The following SH3KBP1 variants were observed in gnomAD, a reference collection of about 807,000 sequenced individuals.
SH3KBP1 encodes SH3 domain-containing kinase-binding protein 1.
Under a neutral mutation model 50.1 loss-of-function variants are expected in SH3KBP1, and 8 were observed. The ratio of observed to expected loss-of-function variants is 0.16; its 90% CI spans 0.09 to 0.29. SH3KBP1 has a LOEUF of 0.29. Ranked by LOEUF, SH3KBP1 falls within the 10% of genes least tolerant of loss-of-function variation. The probability of loss-of-function intolerance (pLI) is 1.00; values close to 1 mark genes in which losing one functional copy is unlikely to be tolerated. For missense variants in SH3KBP1, 377 were observed against 535.2 expected, an observed-to-expected ratio of 0.70 and a Z score of 2.92; for synonymous variants, 227 against 218.6, an observed-to-expected ratio of 1.04 and a Z score of -0.34.
chrX:19,725,181 G>A (rs936351399), intron 3 of SH3KBP1, among the ~76,000 whole-genome samples: 1 of 110,075 alleles, frequency 9.1e-6, no homozygotes, highest in Non-Finnish European at 1.9e-5. Flanking sequence ...AGCTGAGCAC[G>A]GTGGCTTACA....
chrX:19,635,530 CG>C (rs2061681594), intron 7 of SH3KBP1, among the ~76,000 whole-genome samples: 1 of 105,908 alleles, frequency 9.4e-6, no homozygotes, highest in Non-Finnish European at 1.9e-5. Context: ...ACGTGTATCC[CG>C]TTTTTTTTTT....
At chrX:19,543,964 CAGA>C (rs1024776988) in intron 15 of SH3KBP1, among the ~76,000 whole-genome samples, 2 of 110,756 alleles carry the variant, frequency 1.8e-5, no homozygotes, top group African/African-American at 6.6e-5. Flanking sequence ...AGCAGCAGGG[CAGA>C]AGTAGAGGCT....
intron 1 of SH3KBP1, among the ~76,000 whole-genome samples, chrX:19,842,212 T>C (rs1189865318): frequency 8.9e-6 from 1 of 112,234 alleles, no homozygotes; most frequent in Non-Finnish European, 1.9e-5. Flanking sequence ...GGGTGAAATT[T>C]TATACCTCAG....
At position 19,877,163 on chromosome X, in the gene SH3KBP1, G is replaced by A. The variant is rs191632381; in HGVS notation, c.4+10144C>T. On this transcript the variant is annotated intron_variant, in intron 1 of 17. Coordinates refer to ENST00000397821, the MANE Select transcript of SH3KBP1 (RefSeq NM_031892.3). The stretch of plus-strand genomic sequence containing the variant: ...CTAATAGTTTGTTGAGAACAAAGGG[G>A]TAATTAGAAATCACTGGCTAAGTGG... Among the ~76,000 whole-genome samples the A allele has an allele frequency of 1.4e-3, 160 of 112,085 alleles. 1 individual carries two copies. The highest frequency in any genetic ancestry group is 5.0e-3 in the African/African-American group (155 of 30,874).
At chrX:19,547,393 C>T (rs2065116535) in intron 14 of SH3KBP1, among the ~76,000 whole-genome samples, 2 of 111,578 alleles carry the variant, frequency 1.8e-5, no homozygotes, top group Non-Finnish European at 1.9e-5. Flanking sequence ...CACCACTTGG[C>T]GTCATTATAG....
chrX:19,698,641 G>A (rs1398621673), intron 4 of SH3KBP1, among the ~76,000 whole-genome samples: 1 of 111,981 alleles, frequency 8.9e-6, no homozygotes, highest in Non-Finnish European at 1.9e-5. Context: ...TCATGGGGGT[G>A]GTGGGGGTGG....
intron 7 of SH3KBP1, among the ~76,000 whole-genome samples, chrX:19,643,918 T>C (rs1307429622): frequency 8.9e-6 from 1 of 112,065 alleles, no homozygotes; most frequent in Non-Finnish European, 1.9e-5. Flanking sequence ...CAAGTTCACA[T>C]GGCTAGCTAA....
At chrX:19,886,886 G>A (rs2069601640) in intron 1 of SH3KBP1, among the ~76,000 whole-genome samples, 1 of 99,108 alleles carries the variant, frequency 1.0e-5, no homozygotes, top group Admixed American at 1.2e-4. Flanking sequence ...CCCCGAGACA[G>A]GACCAGGAAG....
intron 1 of SH3KBP1, among the ~76,000 whole-genome samples, chrX:19,861,888 A>C (rs1478599640): frequency 8.9e-6 from 1 of 112,027 alleles, no homozygotes; most frequent in African/African-American, 3.2e-5. Context: ...ACACTGTCAT[A>C]ATAAACAGAT....
At chrX:19,699,338 T>C (rs2063492596) in intron 4 of SH3KBP1, among the ~76,000 whole-genome samples, 1 of 112,591 alleles carries the variant, frequency 8.9e-6, no homozygotes, top group Non-Finnish European at 1.9e-5. Context: ...CAAGGGCTTA[T>C]AACTTCCACC....
At chrX:19,645,199 GA>G (rs1183196596) in intron 7 of SH3KBP1, among the ~76,000 whole-genome samples, 200 bp downstream of exon 7, 1 of 111,786 alleles carries the variant, frequency 8.9e-6, no homozygotes, top group Non-Finnish European at 1.9e-5. Context: ...TAAGGGGAAA[GA>G]AAAAAACAAA....
At chrX:19,869,560 G>T (rs990043518) in intron 1 of SH3KBP1, among the ~76,000 whole-genome samples, 1 of 112,368 alleles carries the variant, frequency 8.9e-6, no homozygotes, top group African/African-American at 3.2e-5. Context: ...CACTCACCCT[G>T]ACCAGTCCAG....
chrX:19,699,000 A>T (rs2063485677), intron 4 of SH3KBP1, among the ~76,000 whole-genome samples: 1 of 112,132 alleles, frequency 8.9e-6, no homozygotes, highest in Non-Finnish European at 1.9e-5. Context: ...CCTTCCTGTG[A>T]GGAGCAAAAG....
intron 2 of SH3KBP1, among the ~76,000 whole-genome samples, chrX:19,769,340 G>A (rs1371837761): frequency 9.1e-6 from 1 of 109,496 alleles, no homozygotes; most frequent in Non-Finnish European, 1.9e-5. Flanking sequence ...CTGGACTCAA[G>A]CAATCCACCC....
At chrX:19,733,076 T>A (rs2064427974) in intron 3 of SH3KBP1, among the ~76,000 whole-genome samples, 1 of 111,743 alleles carries the variant, frequency 8.9e-6, no homozygotes, top group South Asian at 3.7e-4. Context: ...CTGTGATGTT[T>A]GGGGAGGAGA....
intron 6 of SH3KBP1, among the ~76,000 whole-genome samples, chrX:19,662,123 C>T (rs1187743421): frequency 2.7e-5 from 3 of 111,363 alleles, no homozygotes; most frequent in Non-Finnish European, 5.7e-5. Flanking sequence ...TTAAGAACAT[C>T]AGATGTAAAA....
chrX:19,692,839 C>T (rs1441133793), intron 5 of SH3KBP1, among the ~76,000 whole-genome samples: 5 of 107,745 alleles, frequency 4.6e-5, no homozygotes, highest in Admixed American at 2.0e-4. Flanking sequence ...TGTGCCAGCA[C>T]GCCCAGCTAA....
chrX:19,540,265 A>G (rs1442509812), intron 16 of SH3KBP1, among the ~76,000 whole-genome samples: 4 of 110,878 alleles, frequency 3.6e-5, no homozygotes, highest in Non-Finnish European at 7.6e-5. Context: ...AGTCCTGTAT[A>G]TTAATCTGAT....
intron 1 of SH3KBP1, among the ~76,000 whole-genome samples, chrX:19,868,765 T>C (rs1301035766): frequency 9.4e-6 from 1 of 106,376 alleles, no homozygotes; most frequent in Non-Finnish European, 1.9e-5. Context: ...CACTGTAAAA[T>C]CAGAAAACCA....
Sources: allele counts gnomAD v4.1 joint callset (sites outside exome capture counted in the v4.1 genomes callset), GRCh38; gene constraint gnomAD v4.1.1; transcripts MANE v1.5; gene names NCBI Gene and HGNC (gene_info 2026-07-23, HGNC 2026-07-21).